Variants in FNDC3A observed in about 807,000 individuals in gnomAD.
The protein encoded by FNDC3A is fibronectin type-III domain-containing protein 3A.
FNDC3A carries 32 observed loss-of-function variants against 148.9 expected under a neutral mutation model. That is an observed-to-expected ratio of 0.21 (90% CI 0.16 to 0.29). The LOEUF (loss-of-function observed/expected upper bound fraction) is 0.29. FNDC3A is among the 10% of genes least tolerant of loss of function. The pLI is 1.00. For synonymous variants in FNDC3A, 472 were observed against 473.6 expected, an observed-to-expected ratio of 1.00 and a Z score of 0.04; for missense variants, 1,191 against 1,452.8, an observed-to-expected ratio of 0.82 and a Z score of 2.93.
intron 3 of FNDC3A, among the ~76,000 whole-genome samples, chr13:49,084,168 G>C (rs148386143): frequency 1.6e-4 from 24 of 152,278 alleles, no homozygotes; most frequent in African/African-American, 5.5e-4. Context: ...ATAGGGGCAG[G>C]AACAATAATG....
intron 8 of FNDC3A, among the ~76,000 whole-genome samples, chr13:49,153,920 A>G (rs1481473402): frequency 3.8e-5 from 5 of 131,982 alleles, no homozygotes; most frequent in African/African-American, 5.8e-5. Flanking sequence ...TGGTTACTGT[A>G]GCCTTGTAGT....
intron 4 of FNDC3A, among the ~76,000 whole-genome samples, chr13:49,126,297 C>T (rs1881695162): frequency 6.6e-6 from 1 of 151,682 alleles, no homozygotes; most frequent in Admixed American, 6.6e-5. Context: ...TGGTAAAACA[C>T]ACATAACATA....
intron 2 of FNDC3A, among the ~76,000 whole-genome samples, chr13:49,053,661 TAGAA>T (rs1876016204): frequency 1.3e-5 from 2 of 152,160 alleles, no homozygotes; most frequent in Admixed American, 1.3e-4. Flanking sequence ...CTGGAATCAA[TAGAA>T]AGAAGCGTCT....
Position 49,009,890 on chromosome 13 carries a change from AG to A in FNDC3A, c.99+3602del, listed in dbSNP as rs575963002. On this transcript the variant is annotated intron_variant, in intron 2 of 25. Coordinates refer to ENST00000492622, the MANE Select transcript of FNDC3A (RefSeq NM_001079673.2). ...GCCTGCCTATTATACAGTCTTTATT[AG>A]TACCTTCTTGATTGCATTAATCTCT... 6.4e-4 allele frequency among the ~76,000 whole-genome samples: 98 copies of A among 152,242 alleles called. 1 individual carries two copies. Among genetic ancestry groups the A allele is most frequent in the Non-Finnish European group, 1.2e-3 (83 of 68,038 alleles).
chr13:49,192,746 T>G (rs1031228888), intron 19 of FNDC3A, among the ~76,000 whole-genome samples: 2 of 152,240 alleles, frequency 1.3e-5, no homozygotes, highest in African/African-American at 4.8e-5. Flanking sequence ...TTTTCAGGTT[T>G]GTGATAATTT....
intron 7 of FNDC3A, among the ~76,000 whole-genome samples, chr13:49,139,632 T>C (rs1263092007): frequency 6.6e-6 from 1 of 152,176 alleles, no homozygotes; most frequent in Non-Finnish European, 1.5e-5. Flanking sequence ...AAATAATAGA[T>C]TTGGTTGCTC....
At chr13:49,101,560 A>G (rs1351964699) in intron 3 of FNDC3A, among the ~76,000 whole-genome samples, 1 of 152,128 alleles carries the variant, frequency 6.6e-6, no homozygotes, top group African/African-American at 2.4e-5. Context: ...ATAATCTAAC[A>G]GCAGCCTTAA....
At chr13:49,176,168 C>G (rs1384044099) in intron 13 of FNDC3A, among the ~76,000 whole-genome samples, 3 of 152,164 alleles carry the variant, frequency 2.0e-5, no homozygotes, top group Non-Finnish European at 4.4e-5. Flanking sequence ...TGTTGTGACT[C>G]TGCCAGGTTT....
intron 14 of FNDC3A, among the ~76,000 whole-genome samples, chr13:49,183,772 T>C (rs1207357549): frequency 6.6e-6 from 1 of 152,134 alleles, no homozygotes; most frequent in Non-Finnish European, 1.5e-5. Flanking sequence ...AATTGAACAA[T>C]TGGACTAAAC....
chr13:49,178,488 C>T (rs572615137), intron 13 of FNDC3A, 80 bp from the exon 14 acceptor site: 173 of 846,758 alleles, frequency 2.0e-4, no homozygotes, highest in South Asian at 3.5e-4. Context: ...AAGAGAAACC[C>T]GGGTCTTTTC....
intron 24 of FNDC3A, 95 bp downstream of exon 24, chr13:49,202,061 T>G: frequency 1.3e-6 from 1 of 771,608 alleles, no homozygotes; most frequent in Non-Finnish European, 1.9e-6. Context: ...AAATTTAGCA[T>G]CCAGTATATG....
In FNDC3A at chr13:49,090,358, G is replaced by A. The variant is rs1196493978; in HGVS notation, c.175+14994G>A. On this transcript the variant is annotated intron_variant, in intron 3 of 25. Transcript: ENST00000492622. ...AATCACTTGAGGTAGAAGTTGCAGT[G>A]AGCCAAGATCACGCCACTGCACTCC... is the stretch of plus-strand genomic sequence containing the variant. Among the ~76,000 whole-genome samples the A allele has an allele frequency of 2.0e-5, 3 of 152,210 alleles. No individual in the cohort carries two copies. The East Asian group carries it at 5.8e-4, about 29-fold the overall frequency.
chr13:49,054,748 C>G (rs893343703), intron 2 of FNDC3A, among the ~76,000 whole-genome samples: 8 of 152,250 alleles, frequency 5.3e-5, no homozygotes, highest in African/African-American at 1.9e-4. Context: ...GAGAGGAGCT[C>G]AAGCCCTGCT....
chr13:49,172,441 C>T (rs1013049323), intron 11 of FNDC3A, among the ~76,000 whole-genome samples: 3 of 152,170 alleles, frequency 2.0e-5, no homozygotes, highest in African/African-American at 7.2e-5. Flanking sequence ...TCTTACTTTT[C>T]TGGAGGCCAG....
chr13:49,112,489 CT>C (rs1370442006), intron 3 of FNDC3A, among the ~76,000 whole-genome samples: 1 of 152,128 alleles, frequency 6.6e-6, no homozygotes, highest in East Asian at 1.9e-4. Context: ...GTAATGTTTG[CT>C]TAAACTTAAG....
At position 48,994,243 on chromosome 13, in the gene FNDC3A, G is replaced by A. The variant is rs117461893; in HGVS notation, c.-39-11909G>A. On this transcript the variant is annotated intron_variant, in intron 1 of 25. Coordinates refer to ENST00000492622, the MANE Select transcript of FNDC3A (RefSeq NM_001079673.2). Reference sequence around the variant, plus strand: ...TACTTGCTTTTAAAACATTATTAAAGGCTTGACAGTCAAATGGATGGTACT... The same window carrying A: ...TACTTGCTTTTAAAACATTATTAAAAGCTTGACAGTCAAATGGATGGTACT... Among the ~76,000 whole-genome samples, 1,124 of 152,192 alleles carry A rather than the reference G, an allele frequency of 7.4e-3. 26 individuals are homozygous for A. Among genetic ancestry groups the A allele is most frequent in the Non-Finnish European group, 5.9e-3 (398 of 68,000 alleles).
chr13:49,028,704 A>G (rs898659381), intron 2 of FNDC3A, among the ~76,000 whole-genome samples: 3 of 152,252 alleles, frequency 2.0e-5, no homozygotes, highest in Non-Finnish European at 2.9e-5. Context: ...TAAAAGGGTA[A>G]ATCTGCCTCT....
At chr13:49,062,518 C>A (rs1876967806) in intron 2 of FNDC3A, among the ~76,000 whole-genome samples, 1 of 152,150 alleles carries the variant, frequency 6.6e-6, no homozygotes, top group Non-Finnish European at 1.5e-5. Flanking sequence ...ACACTACTTC[C>A]TATTTTTCAG....
At chr13:49,025,987 T>G (rs1265307802) in intron 2 of FNDC3A, among the ~76,000 whole-genome samples, 2 of 152,238 alleles carry the variant, frequency 1.3e-5, no homozygotes, top group Non-Finnish European at 2.9e-5. Flanking sequence ...TCTCTGCATT[T>G]TGTAATAATG....
Sources: allele counts gnomAD v4.1 joint callset (sites outside exome capture counted in the v4.1 genomes callset), GRCh38; gene constraint gnomAD v4.1.1; transcripts MANE v1.5; gene names NCBI Gene and HGNC (gene_info 2026-07-23, HGNC 2026-07-21).